The following NRG1 variants were observed in gnomAD, a reference collection of about 807,000 sequenced individuals.
NRG1 encodes the protein neuregulin 1, also known as pro-neuregulin-1, membrane-bound isoform.
Under a neutral mutation model 63.8 loss-of-function variants are expected in NRG1, and 18 were observed. The ratio of observed to expected loss-of-function variants is 0.28; its 90% CI spans 0.19 to 0.42. NRG1 has a LOEUF of 0.42. NRG1 is among the 10% of genes least tolerant of loss of function. NRG1 has a pLI of 1.00. For synonymous variants in NRG1, 302 were observed against 301.3 expected (o/e 1.00, Z -0.02); for missense variants, 762 against 814.7 (o/e 0.94, Z 0.79).
chr8:31,830,916 T>C (rs1466963466), intron 1 of NRG1, among the ~76,000 whole-genome samples: 1 of 152,170 alleles, frequency 6.6e-6, no homozygotes, highest in Non-Finnish European at 1.5e-5. Flanking sequence ...CCATCCACTT[T>C]ACAGCTGTGG....
intron 6 of NRG1, among the ~76,000 whole-genome samples, chr8:32,732,707 A>G (rs902817160): frequency 3.9e-5 from 6 of 152,096 alleles, no homozygotes; most frequent in East Asian, 1.9e-4. Context: ...TTTCCTTATA[A>G]TAAAAAGTAA....
chr8:32,073,387 T>A (rs1826033250), intron 1 of NRG1, among the ~76,000 whole-genome samples: 1 of 151,988 alleles, frequency 6.6e-6, no homozygotes, highest in Non-Finnish European at 1.5e-5. Flanking sequence ...AGGTAGAAAA[T>A]AGAACACAGG....
intron 1 of NRG1, among the ~76,000 whole-genome samples, chr8:32,040,912 G>A (rs114082548): frequency 6.6e-6 from 1 of 150,634 alleles, no homozygotes; most frequent in African/African-American, 2.4e-5. Context: ...AGTGATAGAA[G>A]ATGAATGCAA....
At chr8:31,955,316 GT>G (rs1387412679) in intron 1 of NRG1, among the ~76,000 whole-genome samples, 1 of 152,190 alleles carries the variant, frequency 6.6e-6, no homozygotes, top group African/African-American at 2.4e-5. Context: ...CTGCAGAATA[GT>G]TTAGAAACAC....
upstream of NRG1, chr8:32,548,094 C>T (rs36213230): frequency 2.1e-4 from 116 of 548,870 alleles, no homozygotes; most frequent in Middle Eastern, 3.7e-3. Context: ...CCGCCACCCC[C>T]CGCCCGGCCA....
chr8:32,348,112 G>A lies in NRG1; in HGVS notation c.38-247716G>A, dbSNP rs983666556. On this transcript the variant is annotated intron_variant, in intron 1 of 10. Coordinates refer to the NRG1 transcript ENST00000519301. ...TCAAATCTGTTACCAATTACTCTAG[G>A]GGTTTATTGAGTGGTCCTGCACACC... Among the ~76,000 whole-genome samples, 6 of 152,056 alleles carry A rather than the reference G, an allele frequency of 3.9e-5. No homozygotes were observed. In the South Asian group the frequency reaches 1.0e-3, roughly 26 times the overall value.
chr8:31,937,513 C>A (rs1294527859), intron 1 of NRG1, among the ~76,000 whole-genome samples: 1 of 152,060 alleles, frequency 6.6e-6, no homozygotes, highest in African/African-American at 2.4e-5. Context: ...GGAGAGAATC[C>A]ACAGACCCTT....
chr8:31,829,126 CCTCT>C (rs1824861762), intron 1 of NRG1, among the ~76,000 whole-genome samples: 1 of 152,162 alleles, frequency 6.6e-6, no homozygotes, highest in Non-Finnish European at 1.5e-5. Flanking sequence ...CTTGGATTAA[CCTCT>C]CTCAGATCTG....
chr8:32,236,539 G>A (rs959502155), intron 1 of NRG1, among the ~76,000 whole-genome samples: 6 of 152,076 alleles, frequency 3.9e-5, no homozygotes, highest in Admixed American at 3.9e-4. Context: ...CTTAAGCCAT[G>A]AATTGGAGTC....
At chr8:32,588,385 C>T (rs553300890) in intron 1 of NRG1, among the ~76,000 whole-genome samples, 125 of 152,204 alleles carry the variant, frequency 8.2e-4, no homozygotes, top group African/African-American at 2.8e-3. Context: ...TTTCAGTCAT[C>T]GTGTAGCAGT....
At chr8:32,174,853 C>T (rs1467993354) in intron 1 of NRG1, among the ~76,000 whole-genome samples, 1 of 151,828 alleles carries the variant, frequency 6.6e-6, no homozygotes, top group Non-Finnish European at 1.5e-5. Context: ...GCTTACCAAC[C>T]AAAAAAAGTC....
chr8:32,451,571 A>C (rs1333988773), intron 1 of NRG1, among the ~76,000 whole-genome samples: 1 of 152,174 alleles, frequency 6.6e-6, no homozygotes, highest in Admixed American at 6.5e-5. Context: ...TTCTTCTGGC[A>C]GTCAAATCAG....
At chr8:32,495,005 C>A (rs180759024) in intron 1 of NRG1, among the ~76,000 whole-genome samples, 1 of 152,286 alleles carries the variant, frequency 6.6e-6, no homozygotes, top group East Asian at 1.9e-4. Flanking sequence ...CAAAAAAATA[C>A]AGAGAAACAT....
At chr8:32,481,511 A>C (rs1218029642) in intron 1 of NRG1, among the ~76,000 whole-genome samples, 1 of 152,224 alleles carries the variant, frequency 6.6e-6, no homozygotes, top group Non-Finnish European at 1.5e-5. Context: ...TGGTCCATAG[A>C]TAATACTCTC....
intron 1 of NRG1, among the ~76,000 whole-genome samples, chr8:31,820,449 T>C (rs1264068239): frequency 6.6e-6 from 1 of 152,186 alleles, no homozygotes; most frequent in African/African-American, 2.4e-5. Flanking sequence ...TCTAAACCTC[T>C]CAGGAACAGT....
intron 1 of NRG1, among the ~76,000 whole-genome samples, chr8:32,477,756 GA>G (rs766095465): frequency 2.0e-5 from 3 of 152,120 alleles, no homozygotes; most frequent in Non-Finnish European, 4.4e-5. Context: ...TTACTAATAA[GA>G]ATTATTAATT....
At chr8:32,398,425 T>C (rs1563408954) in intron 1 of NRG1, among the ~76,000 whole-genome samples, 1 of 151,854 alleles carries the variant, frequency 6.6e-6, no homozygotes, top group Non-Finnish European at 1.5e-5. Flanking sequence ...TTTTTTTTTT[T>C]TTTAAGACCA....
chr8:31,991,905 C>T (rs1405996302), intron 1 of NRG1, among the ~76,000 whole-genome samples: 1 of 151,916 alleles, frequency 6.6e-6, no homozygotes, highest in Non-Finnish European at 1.5e-5. Context: ...GGAAAAATAA[C>T]ATTTACTAAC....
chr8:32,700,167 G>A (rs965276602), intron 5 of NRG1, among the ~76,000 whole-genome samples: 2 of 151,894 alleles, frequency 1.3e-5, no homozygotes, highest in Admixed American at 1.3e-4. Flanking sequence ...ATCTGTCTTT[G>A]GTGCTTTAGC....
Sources: allele counts gnomAD v4.1 joint callset (sites outside exome capture counted in the v4.1 genomes callset), GRCh38; gene constraint gnomAD v4.1.1; transcripts MANE v1.5; gene names NCBI Gene and HGNC (gene_info 2026-07-23, HGNC 2026-07-21).